The following ANO9 variants were observed in gnomAD, a reference collection of about 807,000 sequenced individuals.
ANO9 encodes anoctamin-9.
Under a neutral mutation model 100.5 loss-of-function variants are expected in ANO9, and 80 were observed. The ratio of observed to expected loss-of-function variants is 0.80; its 90% CI spans 0.66 to 0.96. ANO9 has a LOEUF of 0.96. Ranked by LOEUF, ANO9 falls within the 40% of genes least tolerant of loss-of-function variation. ANO9 has a pLI of 0.00. For missense variants in ANO9, 1,064 were observed against 1,072.7 expected (o/e 0.99, Z 0.11); for synonymous variants, 473 against 435.6 (o/e 1.09, Z -1.07).
At chr11:433,181 C>T (rs1035634524) in intron 4 of ANO9, 133 bp downstream of exon 4, 2 of 1,283,376 alleles carry the variant, frequency 1.6e-6, no homozygotes, top group African/African-American at 1.5e-5. Flanking sequence ...CACCTGTGGC[C>T]CCTGCCCTGA....
chr11:440,234 TG>T (rs1466460546), intron 1 of ANO9, among the ~76,000 whole-genome samples: 1 of 152,044 alleles, frequency 6.6e-6, no homozygotes, highest in Non-Finnish European at 1.5e-5. Flanking sequence ...ACTCAGTCCT[TG>T]GTACTTCAGC....
In ANO9 at chr11:418,263, G is replaced by A; in HGVS notation, c.*108C>T. The A allele has an allele frequency of 4.3e-6, 5 of 1,151,814 alleles. No homozygotes were observed. In the Admixed American group the frequency reaches 1.1e-4, roughly 26 times the overall value. The allele number at this position is 1,151,814 out of a possible 1,614,324, so 71.3% of individuals were successfully genotyped here. A position where few individuals can be genotyped will look rare whatever the true frequency, so the allele number is the denominator to read the frequency against. On this transcript the variant is annotated 3_prime_UTR_variant, in exon 23 of 23. Transcript: ENST00000332826. Reference sequence around the variant, plus strand: ...CAGGGGATTCCTGCGGCCCCACATGGGCACAGCCTTCTCACAGCACCCCTC... The same window carrying A: ...CAGGGGATTCCTGCGGCCCCACATGAGCACAGCCTTCTCACAGCACCCCTC...
At chr11:437,908 G>T (rs575160635) in intron 1 of ANO9, among the ~76,000 whole-genome samples, 1 of 152,330 alleles carries the variant, frequency 6.6e-6, no homozygotes, top group African/African-American at 2.4e-5. Context: ...CATCAGCCTG[G>T]GCCGAAAGTT....
chr11:427,186 C>CA (rs1336462164), intron 15 of ANO9, among the ~76,000 whole-genome samples: 2 of 152,090 alleles, frequency 1.3e-5, no homozygotes, highest in Non-Finnish European at 2.9e-5. Context: ...CCTTTCTCTA[C>CA]AAAAAATACA....
At position 433,798 on chromosome 11, in the gene ANO9, G is replaced by T. The variant is rs575774338; in HGVS notation, c.204+17C>A. 3 of 1,550,416 alleles carry T rather than the reference G, an allele frequency of 1.9e-6. No individual in the cohort carries two copies. The highest frequency in any genetic ancestry group is 4.8e-5 in the East Asian group (2 of 41,514). ...CCCCGGCCCCATGGCCCTGCCCCTC[G>T]CTGGGCACCCGCCCACCTTAATGTG... On this transcript the variant is annotated intron_variant, in intron 3 of 22. Transcript: ENST00000332826.
chr11:434,196 C>T (rs1034629938), intron 1 of ANO9, 98 bp from the exon 2 acceptor site: 2 of 1,347,484 alleles, frequency 1.5e-6, no homozygotes, highest in Admixed American at 2.3e-5. Flanking sequence ...TGGTCACACA[C>T]CGTCCCTCCC....
At chr11:436,267 A>G (rs959274123) in intron 1 of ANO9, among the ~76,000 whole-genome samples, 15 of 151,694 alleles carry the variant, frequency 9.9e-5, no homozygotes, top group African/African-American at 3.4e-4. Context: ...GGGTTTCTCC[A>G]TGTTGGGCAG....
At chr11:424,758 C>T (rs1848394694) in intron 15 of ANO9, among the ~76,000 whole-genome samples, 1 of 151,926 alleles carries the variant, frequency 6.6e-6, no homozygotes, top group Non-Finnish European at 1.5e-5. Context: ...AATTGAAATC[C>T]TCAAGAACAT....
Position 419,516 on chromosome 11 carries a change from C to G in ANO9, c.1934+66G>C, listed in dbSNP as rs113046374. ...CATTCCCAGGAGAAAGGGTCTGGAT[C>G]CCCCAGGGCTTGGCTGTGGTAGGGC... On this transcript the variant is annotated intron_variant, in intron 20 of 22. Coordinates refer to ENST00000332826, the MANE Select transcript of ANO9 (RefSeq NM_001012302.3). 13 of 1,574,486 alleles carry G rather than the reference C, an allele frequency of 8.3e-6. No individual in the cohort carries two copies. The African/African-American group carries it at 1.1e-4, about 13-fold the overall frequency.
intron 1 of ANO9, among the ~76,000 whole-genome samples, chr11:437,065 T>TGCGCGGGGGGTGCGTGGGGGGTGAGCC (rs1845403871): frequency 7.5e-6 from 1 of 134,154 alleles, no homozygotes; most frequent in Non-Finnish European, 1.6e-5. Context: ...GAGCTGGGGG[T>TGCGCGGGGGGTGCGTGGGGGGTGAGCC]GAATGTTCCC....
chr11:430,263 G>A lies in ANO9; in HGVS notation c.674+6C>T, dbSNP rs368467832. On this transcript the variant is annotated splice_donor_region_variant and intron_variant, in intron 8 of 22. Coordinates refer to ENST00000332826, the MANE Select transcript of ANO9 (RefSeq NM_001012302.3). ...CCCCCCATGCCCGGCCCCTGCTGCG[G>A]CCCACCTGATCTGGCTGGCCTCAAA... 102 of 1,560,866 alleles carry A rather than the reference G, an allele frequency of 6.5e-5. No individual in the cohort carries two copies. Among genetic ancestry groups the A allele is most frequent in the Admixed American group, 1.3e-4 (7 of 52,688 alleles).
intron 9 of ANO9, 76 bp from the exon 10 acceptor site, chr11:429,894 A>G: frequency 9.4e-7 from 1 of 1,065,850 alleles, no homozygotes; most frequent in Non-Finnish European, 1.2e-6. Flanking sequence ...GGAGGGAGGC[A>G]GGAAAGCCGG....
rs1848636569 is a variant in ANO9, at chr11:428,131, TGAA to T, written c.1288_1290del (p.Phe430del). 6.2e-7 allele frequency: 1 copy of T among 1,610,258 alleles called. No individual in the cohort carries two copies. The highest frequency in any genetic ancestry group is 8.5e-7 in the Non-Finnish European group (1 of 1,179,370). On this transcript the variant is annotated inframe_deletion, in exon 15 of 23. Transcript: ENST00000332826. The stretch of plus-strand genomic sequence containing the variant: ...ATGTAGATGAGAGACGAGAAATGGG[TGAA>T]GAACTGCAGTGTGAAGAAGCGGATG...
At chr11:419,171 G>GA in intron 20 of ANO9, 182 bp from the exon 21 acceptor site, 2 of 1,435,514 alleles carry the variant, frequency 1.4e-6, no homozygotes, top group African/African-American at 2.9e-5. Context: ...GCCTTGTGGG[G>GA]ACTGTGGGGA....
At chr11:419,382 C>A in intron 20 of ANO9, 200 bp downstream of exon 20, 3 of 1,420,780 alleles carry the variant, frequency 2.1e-6, no homozygotes, top group Non-Finnish European at 2.7e-6. Flanking sequence ...GCGGTCCTGG[C>A]CAGTTATCCC....
Position 441,953 on chromosome 11 carries a change from G to T in ANO9, c.-27C>A. 1 of 1,604,848 alleles carries T rather than the reference G, an allele frequency of 6.2e-7. No homozygotes were observed. On this transcript the variant is annotated 5_prime_UTR_variant, in exon 1 of 23. Transcript: ENST00000332826. ...CTGGCTGTGGCCGGAGTTCCAGCTG[G>T]GGTTTGGCGGCCAGGAGAGTGGCTG...
chr11:433,142 G>T, intron 4 of ANO9, 172 bp downstream of exon 4: 1 of 831,964 alleles, frequency 1.2e-6, no homozygotes, highest in Non-Finnish European at 1.8e-6. Context: ...GGATGGGGAA[G>T]CTGAGGCTCA....
chr11:418,544 C>G lies in ANO9; in HGVS notation c.2176G>C (p.Asp726His), dbSNP rs768715555. The G allele has an allele frequency of 6.2e-7, 1 of 1,613,106 alleles. No individual in the cohort carries two copies. The highest frequency in any genetic ancestry group is 1.1e-5 in the South Asian group (1 of 91,070). ...IKLIAAWFVPDIPQSVKNKVL... is the reference protein window; with the variant it reads ...IKLIAAWFVPHIPQSVKNKVL... Reference sequence around the variant, plus strand: ...TTGTTCTTCACCGACTGAGGGATGTCGGGCACGAACCAGGCGGCGATGAGC... The same window carrying G: ...TTGTTCTTCACCGACTGAGGGATGTGGGGCACGAACCAGGCGGCGATGAGC... The change falls in exon 23 of 23, where the codon GAC becomes CAC. Residue 726 changes from aspartate (D) to histidine (H), a missense_variant. By Grantham distance (81) the Asp-to-His change is moderately conservative. Coordinates refer to ENST00000332826, the MANE Select transcript of ANO9 (RefSeq NM_001012302.3).
chr11:441,829 G>C (rs1845901056), intron 1 of ANO9, 92 bp downstream of exon 1: 1 of 1,528,592 alleles, frequency 6.5e-7, no homozygotes, highest in Non-Finnish European at 8.7e-7. Context: ...CGCCTTCCAG[G>C]TGGGGCTGGC....
Sources: gnomAD v4.1 joint callset for allele counts (sites outside exome capture counted in the v4.1 genomes callset) on GRCh38, gnomAD v4.1.1 for gene constraint, MANE v1.5 for transcripts, NCBI Gene and HGNC (gene_info 2026-07-23, HGNC 2026-07-21) for gene names.